The following TTC1 variants were observed in gnomAD, a reference collection of about 807,000 sequenced individuals.
The protein encoded by TTC1 is tetratricopeptide repeat protein 1.
TTC1 carries 31 observed loss-of-function variants against 37.6 expected under a neutral mutation model. The observed-to-expected ratio is 0.82, with a 90% CI of 0.62 to 1.11. TTC1 has a LOEUF of 1.11. TTC1 is among the 50% of genes most tolerant of loss of function. TTC1 has a pLI of 0.00. For missense variants in TTC1, 351 were observed against 339.0 expected, an observed-to-expected ratio of 1.04 and a Z score of -0.28; for synonymous variants, 127 against 122.4, an observed-to-expected ratio of 1.04 and a Z score of -0.25.
chr5:160,038,299 C>T (rs972659504), intron 4 of TTC1, among the ~76,000 whole-genome samples: 1 of 152,206 alleles, frequency 6.6e-6, no homozygotes, highest in Non-Finnish European at 1.5e-5. Flanking sequence ...ACAGTTTTTA[C>T]ACTTACCTGG....
intron 1 of TTC1, among the ~76,000 whole-genome samples, chr5:160,009,679 G>A (rs1026744007): frequency 6.6e-6 from 1 of 152,122 alleles, no homozygotes; most frequent in Non-Finnish European, 1.5e-5. Context: ...TCTGAGCAGT[G>A]GTATTTTCTA....
At chr5:160,045,262 A>G (rs1757184700) in intron 5 of TTC1, among the ~76,000 whole-genome samples, 1 of 152,184 alleles carries the variant, frequency 6.6e-6, no homozygotes, top group African/African-American at 2.4e-5. Flanking sequence ...AGCCTTGCCT[A>G]GAAAATGAGG....
At chr5:160,058,386 C>A (rs115557688) in intron 7 of TTC1, among the ~76,000 whole-genome samples, 5 of 152,034 alleles carry the variant, frequency 3.3e-5, no homozygotes, top group Non-Finnish European at 5.9e-5. Flanking sequence ...ATCTCAGCAG[C>A]CATAGCCATA....
chr5:160,054,149 G>A (rs1192193649), intron 7 of TTC1, among the ~76,000 whole-genome samples: 2 of 152,168 alleles, frequency 1.3e-5, no homozygotes, highest in Non-Finnish European at 2.9e-5. Context: ...ACCAAGGAAT[G>A]TAAGGTTTAA....
intron 2 of TTC1, among the ~76,000 whole-genome samples, chr5:160,012,093 A>T (rs1220763996): frequency 6.6e-6 from 1 of 152,234 alleles, no homozygotes; most frequent in African/African-American, 2.4e-5. Flanking sequence ...ACAGCTCAAA[A>T]AAATTAACTA....
At chr5:160,039,643 A>G (rs2113373458) in intron 4 of TTC1, among the ~76,000 whole-genome samples, 1 of 152,314 alleles carries the variant, frequency 6.6e-6, no homozygotes, top group East Asian at 1.9e-4. Flanking sequence ...CTTAATAATC[A>G]CTTCTAGGCA....
At chr5:160,030,344 CAG>C (rs1756888272) in intron 2 of TTC1, among the ~76,000 whole-genome samples, 1 of 152,140 alleles carries the variant, frequency 6.6e-6, no homozygotes, top group Non-Finnish European at 1.5e-5. Context: ...GACTGTCTAG[CAG>C]AGAGGACTTG....
intron 2 of TTC1, among the ~76,000 whole-genome samples, chr5:160,015,314 A>G (rs757045541): frequency 1.1e-4 from 16 of 152,134 alleles, no homozygotes; most frequent in Admixed American, 7.9e-4. Context: ...GGCTCAAGCA[A>G]TCCTCCTACA....
rs527825980 is a variant in TTC1 at position 160,019,505 on chromosome 5, T to A, written c.330+8647T>A. ...TTCCAAAAAGTTCTCAGTAACTTCT[T>A]CCATAGTGGCCTGCATAGTCCTGTT... is the stretch of plus-strand genomic sequence containing the variant. On this transcript the variant is annotated intron_variant, in intron 2 of 7. Transcript: ENST00000231238. Among the ~76,000 whole-genome samples, 3 of 152,184 alleles carry A rather than the reference T, an allele frequency of 2.0e-5. No individual in the cohort carries two copies. The South Asian group carries it at 6.2e-4, about 32-fold the overall frequency.
At chr5:160,035,509 T>C (rs1756986034) in intron 3 of TTC1, among the ~76,000 whole-genome samples, 1 of 152,236 alleles carries the variant, frequency 6.6e-6, no homozygotes, top group Non-Finnish European at 1.5e-5. Context: ...ATATTAAAGG[T>C]TATGTGCTGC....
At chr5:160,039,870 C>G (rs903682031) in intron 4 of TTC1, among the ~76,000 whole-genome samples, 20 of 152,024 alleles carry the variant, frequency 1.3e-4, no homozygotes. Flanking sequence ...AAAAAAGGTC[C>G]CAGATGACCC....
At chr5:160,053,471 G>A (rs1757463502) in intron 7 of TTC1, among the ~76,000 whole-genome samples, 1 of 152,128 alleles carries the variant, frequency 6.6e-6, no homozygotes, top group Non-Finnish European at 1.5e-5. Context: ...GGCTGCTGTG[G>A]GAGGATCACT....
At position 160,010,829 on chromosome 5, in the gene TTC1, G is replaced by GA. The variant is rs762024262; in HGVS notation, c.308dup (p.Asn103LysfsTer5). ...AGATGAAGAATACCTAATAGAACTG[G>GA]AAAAAAACATGTCGGATGAAGAGAA... On this transcript the variant is annotated frameshift_variant, in exon 2 of 8. Transcript: ENST00000231238. LOFTEE classifies it high-confidence loss of function. 5.0e-6 allele frequency: 8 copies of GA among 1,610,292 alleles called. No individual in the cohort carries two copies. The East Asian group carries it at 6.7e-5, about 13-fold the overall frequency.
intron 1 of TTC1, 46 bp from the exon 2 acceptor site, chr5:160,010,454 A>G: frequency 7.5e-7 from 1 of 1,331,230 alleles, no homozygotes; most frequent in Non-Finnish European, 1.0e-6. Flanking sequence ...GAACTTTTAA[A>G]AATACAAGCA....
intron 7 of TTC1, among the ~76,000 whole-genome samples, chr5:160,059,613 G>A (rs192239883): frequency 1.3e-5 from 2 of 152,280 alleles, no homozygotes; most frequent in East Asian, 3.9e-4. Flanking sequence ...TTTCAATATT[G>A]TTGTGGCTTA....
intron 7 of TTC1, among the ~76,000 whole-genome samples, chr5:160,058,795 G>C (rs11135091): frequency 0.6 from 91,727 of 152,068 alleles, 27,660 homozygotes; most frequent in East Asian, 0.62. Context: ...GTTGTGTTAG[G>C]AGGTTTGAAA....
chr5:160,018,298 A>G (rs1756641750), intron 2 of TTC1, among the ~76,000 whole-genome samples: 1 of 152,182 alleles, frequency 6.6e-6, no homozygotes, highest in South Asian at 2.1e-4. Flanking sequence ...ATTATTTATA[A>G]ATTACTGAGT....
intron 7 of TTC1, among the ~76,000 whole-genome samples, chr5:160,053,149 A>T (rs1757447445): frequency 6.6e-6 from 1 of 150,812 alleles, no homozygotes; most frequent in South Asian, 2.1e-4. Context: ...ATGTTCTGTG[A>T]GATTCCCTAG....
At chr5:160,060,732 CTG>C (rs1385477065) in intron 7 of TTC1, among the ~76,000 whole-genome samples, 1 of 152,196 alleles carries the variant, frequency 6.6e-6, no homozygotes, top group Non-Finnish European at 1.5e-5. Context: ...ATTTAGGAGA[CTG>C]AGCTCTCCTG....
Sources: allele counts gnomAD v4.1 joint callset (sites outside exome capture counted in the v4.1 genomes callset), GRCh38; gene constraint gnomAD v4.1.1; transcripts MANE v1.5; gene names NCBI Gene and HGNC (gene_info 2026-07-23, HGNC 2026-07-21).